Variants in AKAP12 observed in about 807,000 individuals in gnomAD.
AKAP12 encodes the protein A-kinase anchor protein 12.
A neutral mutation model predicts 79.9 loss-of-function variants in AKAP12; 32 were observed. The observed-to-expected ratio is 0.40, with a 90% CI of 0.30 to 0.54. The LOEUF is 0.54. AKAP12 is among the 20% of genes least tolerant of loss of function. The pLI is 0.48. For synonymous variants in AKAP12, 808 were observed against 857.0 expected, an observed-to-expected ratio of 0.94 and a Z score of 1.00; for missense variants, 2,074 against 2,177.0, an observed-to-expected ratio of 0.95 and a Z score of 0.94.
intron 2 of AKAP12, among the ~76,000 whole-genome samples, chr6:151,246,137 G>A (rs945764470): frequency 9.2e-5 from 14 of 152,136 alleles, no homozygotes; most frequent in African/African-American, 3.4e-4. Flanking sequence ...AATTTAACCC[G>A]GCAAGGTGCG....
At chr6:151,332,047 T>TTGTTTTG (rs1777690484) in intron 3 of AKAP12, among the ~76,000 whole-genome samples, 2 of 144,258 alleles carry the variant, frequency 1.4e-5, no homozygotes, top group African/African-American at 5.2e-5. Flanking sequence ...TTTTTTTTTT[T>TTGTTTTG]TTTTTTTGAG....
intron 3 of AKAP12, among the ~76,000 whole-genome samples, chr6:151,334,855 C>G (rs1470664445): frequency 6.6e-6 from 1 of 151,976 alleles, no homozygotes; most frequent in Non-Finnish European, 1.5e-5. Context: ...GATCTCCTGA[C>G]CTCGTGATCT....
chr6:151,255,254 C>G (rs1183366975), intron 2 of AKAP12, among the ~76,000 whole-genome samples: 1 of 152,030 alleles, frequency 6.6e-6, no homozygotes, highest in Non-Finnish European at 1.5e-5. Flanking sequence ...CAACCTCTGC[C>G]TCCCGGGTTC....
chr6:151,345,621 A>T (rs974268266), intron 3 of AKAP12, among the ~76,000 whole-genome samples: 6 of 150,370 alleles, frequency 4.0e-5, no homozygotes, highest in African/African-American at 1.5e-4. Context: ...ACATGGTGAA[A>T]CCCCATCTCT....
intron 3 of AKAP12, chr6:151,343,816 TG>T (rs1397643439): frequency 5.9e-6 from 2 of 336,174 alleles, no homozygotes; most frequent in African/African-American, 4.6e-5. Context: ...AAATAGTTCA[TG>T]GAAATACACT....
intron 2 of AKAP12, among the ~76,000 whole-genome samples, chr6:151,277,948 G>A (rs368008535): frequency 0.34 from 37,773 of 110,866 alleles, 5,914 homozygotes; most frequent in Non-Finnish European, 0.46. Context: ...AGGTTTATGT[G>A]TGTGTGTGTG....
intron 3 of AKAP12, 79 bp from the exon 4 acceptor site, chr6:151,348,632 C>A: frequency 9.2e-7 from 1 of 1,086,508 alleles, no homozygotes; most frequent in Non-Finnish European, 1.3e-6. Context: ...GAGTGAGGCC[C>A]TGTCGGAGAA....
chr6:151,330,188 G>A (rs189964561), intron 3 of AKAP12, among the ~76,000 whole-genome samples: 6 of 152,272 alleles, frequency 3.9e-5, no homozygotes, highest in African/African-American at 1.4e-4. Flanking sequence ...GCTGTGCATG[G>A]TGGCACATGC....
chr6:151,287,756 C>T (rs1252900569), intron 2 of AKAP12, among the ~76,000 whole-genome samples: 2 of 152,168 alleles, frequency 1.3e-5, no homozygotes, highest in South Asian at 2.1e-4. Flanking sequence ...TATAAAGACA[C>T]ATGCATACGT....
intron 3 of AKAP12, among the ~76,000 whole-genome samples, chr6:151,317,758 T>C (rs888988756): frequency 2.0e-5 from 3 of 152,220 alleles, no homozygotes; most frequent in African/African-American, 7.2e-5. Flanking sequence ...AAAACATCAA[T>C]ATATGTTGAC....
At chr6:151,333,285 A>G (rs774601356) in intron 3 of AKAP12, among the ~76,000 whole-genome samples, 2 of 150,064 alleles carry the variant, frequency 1.3e-5, no homozygotes, top group Non-Finnish European at 3.0e-5. Flanking sequence ...CTTATCAATC[A>G]CTCCCTTCAC....
chr6:151,248,856 G>GCA (rs1562705440), intron 2 of AKAP12, among the ~76,000 whole-genome samples: 1 of 151,964 alleles, frequency 6.6e-6, no homozygotes, highest in Non-Finnish European at 1.5e-5. Flanking sequence ...GTATGGTGGT[G>GCA]TGTACCTGTA....
chr6:151,267,151 A>G (rs572499473), intron 2 of AKAP12, among the ~76,000 whole-genome samples: 32 of 152,106 alleles, frequency 2.1e-4, no homozygotes, highest in African/African-American at 7.7e-4. Flanking sequence ...ACCAGCAGAC[A>G]GATCAACGGG....
At chr6:151,245,656 C>CAA (rs10700236) in intron 2 of AKAP12, among the ~76,000 whole-genome samples, 33 of 99,096 alleles carry the variant, frequency 3.3e-4, no homozygotes, top group Middle Eastern at 6.8e-3. Context: ...GACTCCGTCT[C>CAA]AAAAAAAAAA....
intron 3 of AKAP12, among the ~76,000 whole-genome samples, chr6:151,318,520 C>G (rs1229720645): frequency 6.6e-6 from 1 of 152,186 alleles, no homozygotes; most frequent in African/African-American, 2.4e-5. Context: ...AGTCTTCATC[C>G]CTTATGTAGC....
At position 151,242,259 on chromosome 6, in the gene AKAP12, C is replaced by G. The variant is rs187900317; in HGVS notation, c.162+1535C>G. On this transcript the variant is annotated intron_variant, in intron 2 of 4. Transcript: ENST00000402676. ...GGCTTTTATACTCCTTCAGATCTTA[C>G]TAACTGTTCACCCTGAAATATGGGA... is the stretch of plus-strand genomic sequence containing the variant. Among the ~76,000 whole-genome samples, 43 of 152,284 alleles carry G rather than the reference C, an allele frequency of 2.8e-4. No homozygotes were observed. In the East Asian group the frequency reaches 6.6e-3, roughly 23 times the overall value.
intron 2 of AKAP12, among the ~76,000 whole-genome samples, chr6:151,252,671 A>C (rs1399765708): frequency 3.4e-5 from 5 of 148,228 alleles, no homozygotes. Flanking sequence ...AGGTGGGAAG[A>C]TCATTTGACT....
At chr6:151,345,136 T>C (rs1778055369) in intron 3 of AKAP12, among the ~76,000 whole-genome samples, 1 of 151,920 alleles carries the variant, frequency 6.6e-6, no homozygotes, top group Non-Finnish European at 1.5e-5. Context: ...AGTGCAGTGG[T>C]GCGATCTCAG....
At position 151,357,584 on chromosome 6, in the gene AKAP12, G is replaced by GTA. The variant is rs1477807980; in HGVS notation, c.*1877_*1878dup. ...TAGTAAAACACCTCATGATAGCAGTGTATATATAGTCTTGTTTGTAGTTGG... is the reference window on the plus strand; with the variant it reads ...TAGTAAAACACCTCATGATAGCAGTGTATATATATAGTCTTGTTTGTAGTTGG... On this transcript the variant is annotated 3_prime_UTR_variant, in exon 5 of 5. Coordinates refer to ENST00000402676, the MANE Select transcript of AKAP12 (RefSeq NM_005100.4). 2 of 151,868 alleles carry GTA rather than the reference G, an allele frequency of 1.3e-5. No homozygotes were observed. Among genetic ancestry groups the GTA allele is most frequent in the African/African-American group, 2.4e-5 (1 of 41,348 alleles). The allele number at this position is 151,868 out of a possible 1,614,324, so 9.4% of individuals were successfully genotyped here. A position where few individuals can be genotyped will look rare whatever the true frequency, so the allele number is the denominator to read the frequency against.
Sources: allele counts gnomAD v4.1 joint callset (sites outside exome capture counted in the v4.1 genomes callset), GRCh38; gene constraint gnomAD v4.1.1; transcripts MANE v1.5; gene names NCBI Gene and HGNC (gene_info 2026-07-23, HGNC 2026-07-21).